CDH12: variants seen among roughly 807,000 people sequenced by gnomAD.
CDH12 encodes cadherin-12.
In CDH12, 41 loss-of-function variants were observed where a neutral mutation model predicts 74.1. That is an observed-to-expected ratio of 0.55 (90% confidence interval 0.43 to 0.72). The LOEUF (loss-of-function observed/expected upper bound fraction) is 0.72. Among genes scored for constraint, CDH12 ranks in the 30% least tolerant of loss-of-function variants. CDH12 has a pLI of 0.00. For missense variants in CDH12, 945 were observed against 977.2 expected (o/e 0.97, Z 0.44); for synonymous variants, 399 against 355.0 (o/e 1.12, Z -1.39).
At chr5:22,739,400 C>T (rs1286490562) in intron 1 of CDH12, among the ~76,000 whole-genome samples, 2 of 151,988 alleles carry the variant, frequency 1.3e-5, no homozygotes, top group African/African-American at 2.4e-5. Flanking sequence ...GTCCACTTTT[C>T]TCCCCCTCTG....
intron 1 of CDH12, among the ~76,000 whole-genome samples, chr5:22,620,942 T>G (rs1347077691): frequency 6.6e-6 from 1 of 152,220 alleles, no homozygotes; most frequent in Non-Finnish European, 1.5e-5. Context: ...AAAATTACCA[T>G]AAACTTAGCA....
At chr5:22,601,327 T>C (rs556951411) in intron 1 of CDH12, among the ~76,000 whole-genome samples, 1 of 152,138 alleles carries the variant, frequency 6.6e-6, no homozygotes. Flanking sequence ...ATTCCACATG[T>C]TCTCACTTAC....
At chr5:21,924,492 G>A (rs1754500351) in intron 6 of CDH12, among the ~76,000 whole-genome samples, 1 of 151,562 alleles carries the variant, frequency 6.6e-6, no homozygotes, top group Non-Finnish European at 1.5e-5. Context: ...CTCCAGCCTG[G>A]GCAACAAGAG....
intron 3 of CDH12, among the ~76,000 whole-genome samples, chr5:22,307,562 T>G (rs1040990158): frequency 1.3e-5 from 2 of 152,174 alleles, no homozygotes; most frequent in Non-Finnish European, 2.9e-5. Flanking sequence ...ATTTGTTAGA[T>G]ATATGACTCC....
rs565197347 is a variant in CDH12 at position 22,036,736 on chromosome 5, A to C, written c.231+41710T>G. On this transcript the variant is annotated intron_variant, in intron 5 of 14. Transcript: ENST00000382254. Reference sequence around the variant, plus strand: ...TTTTAGGGTCTATAAAATTTAATCAAGGTTTAATTGGTGTTTTAAGACCCT... The same window carrying C: ...TTTTAGGGTCTATAAAATTTAATCACGGTTTAATTGGTGTTTTAAGACCCT... 1.9e-3 allele frequency among the ~76,000 whole-genome samples: 286 copies of C among 152,332 alleles called. 1 individual carries two copies. Among genetic ancestry groups the C allele is most frequent in the African/African-American group, 6.6e-3 (274 of 41,582 alleles).
intron 4 of CDH12, among the ~76,000 whole-genome samples, chr5:22,162,952 A>G (rs1229225987): frequency 7.6e-6 from 1 of 131,110 alleles, no homozygotes; most frequent in Non-Finnish European, 1.5e-5. Flanking sequence ...GCAGGACTGC[A>G]GTGGCGCGAT....
intron 3 of CDH12, among the ~76,000 whole-genome samples, chr5:22,400,622 CAGAT>C (rs1742690618): frequency 6.6e-6 from 1 of 151,878 alleles, no homozygotes; most frequent in Non-Finnish European, 1.5e-5. Flanking sequence ...AGTTGCAAAA[CAGAT>C]AGACAGATTT....
At chr5:22,171,728 C>T (rs1228370753) in intron 4 of CDH12, among the ~76,000 whole-genome samples, 1 of 151,946 alleles carries the variant, frequency 6.6e-6, no homozygotes, top group African/African-American at 2.4e-5. Flanking sequence ...TGGCTTCAAA[C>T]CACTCATGCT....
chr5:22,421,983 C>T (rs768309999), intron 2 of CDH12, among the ~76,000 whole-genome samples: 2 of 152,172 alleles, frequency 1.3e-5, no homozygotes, highest in Non-Finnish European at 2.9e-5. Flanking sequence ...GCATAAATGT[C>T]TTCTTTTGAG....
chr5:22,195,839 A>C (rs898539905), intron 4 of CDH12, among the ~76,000 whole-genome samples: 3 of 152,114 alleles, frequency 2.0e-5, no homozygotes, highest in Non-Finnish European at 4.4e-5. Context: ...AGGGAATAAA[A>C]GCCTGGTGTG....
chr5:22,405,345 A>G lies in CDH12; in HGVS notation c.-421T>C, dbSNP rs551469244. 4 of 951,700 alleles carry G rather than the reference A, an allele frequency of 4.2e-6. No individual in the cohort carries two copies. The African/African-American group carries it at 5.3e-5, about 13-fold the overall frequency. 59.0% of individuals were successfully genotyped at this position (951,700 alleles called of 1,614,324 possible). The stretch of plus-strand genomic sequence containing the variant: ...GTAACTTGATTCTATAGCACTGGAC[A>G]TCAAAGCTGAAAAATATGTAAAGAA... On this transcript the variant is annotated 5_prime_UTR_variant, in exon 3 of 15. It removes an upstream start codon present in the reference 5' UTR. Coordinates refer to ENST00000382254, the MANE Select transcript of CDH12 (RefSeq NM_004061.5).
intron 1 of CDH12, among the ~76,000 whole-genome samples, chr5:22,614,631 T>C (rs962104119): frequency 2.0e-5 from 3 of 152,094 alleles, no homozygotes; most frequent in Non-Finnish European, 2.9e-5. Context: ...GGAGTTGACA[T>C]AGATATAGCA....
At chr5:22,520,142 G>A (rs1381008723) in intron 1 of CDH12, among the ~76,000 whole-genome samples, 2 of 152,128 alleles carry the variant, frequency 1.3e-5, no homozygotes, top group Admixed American at 6.5e-5. Flanking sequence ...TTTCTTAAGC[G>A]AGGAAGAAAA....
At chr5:22,286,871 A>G (rs1737154979) in intron 3 of CDH12, among the ~76,000 whole-genome samples, 1 of 152,202 alleles carries the variant, frequency 6.6e-6, no homozygotes, top group African/African-American at 2.4e-5. Context: ...ATACTGAGAC[A>G]TTTATGAAGT....
chr5:22,438,817 TAAAG>T (rs1033354326), intron 2 of CDH12, among the ~76,000 whole-genome samples: 5 of 151,812 alleles, frequency 3.3e-5, no homozygotes, highest in Non-Finnish European at 7.4e-5. Context: ...TGGTTTCTTT[TAAAG>T]AGAGTTATTA....
intron 1 of CDH12, among the ~76,000 whole-genome samples, chr5:22,755,561 T>C (rs1745850676): frequency 6.6e-6 from 1 of 152,120 alleles, no homozygotes; most frequent in South Asian, 2.1e-4. Flanking sequence ...TAGGAAAGTG[T>C]ATGAAGAAAA....
At chr5:22,778,756 T>A (rs920653770) in intron 1 of CDH12, among the ~76,000 whole-genome samples, 1 of 152,124 alleles carries the variant, frequency 6.6e-6, no homozygotes, top group Non-Finnish European at 1.5e-5. Context: ...ATTTTATAAT[T>A]GAAATAATTT....
chr5:22,695,205 T>C (rs1561583008), intron 1 of CDH12, among the ~76,000 whole-genome samples: 1 of 152,188 alleles, frequency 6.6e-6, no homozygotes, highest in Non-Finnish European at 1.5e-5. Context: ...TCCCATGGTG[T>C]ATATGTGCCA....
chr5:22,068,532 T>C (rs1030539803), intron 5 of CDH12, among the ~76,000 whole-genome samples: 2 of 152,140 alleles, frequency 1.3e-5, no homozygotes, highest in African/African-American at 2.4e-5. Flanking sequence ...GACATGACAT[T>C]ATATATCAAT....
Sources: gnomAD v4.1 joint callset for allele counts (sites outside exome capture counted in the v4.1 genomes callset) on GRCh38, gnomAD v4.1.1 for gene constraint, MANE v1.5 for transcripts, NCBI Gene and HGNC (gene_info 2026-07-23, HGNC 2026-07-21) for gene names.